MACF1: variants seen among roughly 807,000 people sequenced by gnomAD.
MACF1 encodes microtubule-actin cross-linking factor 1.
In MACF1, 193 loss-of-function variants were observed where a neutral mutation model predicts 854.8. The ratio of observed to expected loss-of-function variants is 0.23; its 90% CI spans 0.20 to 0.25. MACF1 has a LOEUF of 0.25. Ranked by LOEUF, MACF1 falls within the 10% of genes least tolerant of loss-of-function variation. The pLI is 1.00. For synonymous variants in MACF1, 3,185 were observed against 3,226.7 expected, an observed-to-expected ratio of 0.99 and a Z score of 0.44; for missense variants, 7,722 against 8,929.1, an observed-to-expected ratio of 0.86 and a Z score of 5.45.
At chr1:39,258,111 G>C in intron 6 of MACF1, 83 bp downstream of exon 6, 2 of 1,060,942 alleles carry the variant, frequency 1.9e-6, no homozygotes, top group Non-Finnish European at 2.9e-6. Flanking sequence ...AGACAGCATT[G>C]AGCCTTCCTT....
chr1:39,269,502 C>G, intron 6 of MACF1: 2 of 1,289,786 alleles, frequency 1.6e-6, no homozygotes, highest in Non-Finnish European at 2.0e-6. Flanking sequence ...AGTGCCCCCC[C>G]AGGATTCCAG....
At chr1:39,414,231 A>G in intron 58 of MACF1, 8 of 1,613,974 alleles carry the variant, frequency 5.0e-6, no homozygotes, top group Non-Finnish European at 5.9e-6. Flanking sequence ...CTGCCATCCC[A>G]GCTGCTGCAG....
chr1:39,363,895 A>T (rs1178131194), intron 49 of MACF1, among the ~76,000 whole-genome samples: 1 of 152,206 alleles, frequency 6.6e-6, no homozygotes, highest in African/African-American at 2.4e-5. Flanking sequence ...TATAGGCATG[A>T]GCCACCACAC....
chr1:39,411,606 A>T (rs756114104), intron 58 of MACF1: 1 of 1,613,934 alleles, frequency 6.2e-7, no homozygotes, highest in South Asian at 1.1e-5. Context: ...CAGATTCAGC[A>T]TGTACTGTGG....
Position 39,448,627 on chromosome 1 carries a change from G to A in MACF1, c.20122G>A (p.Val6708Met), listed in dbSNP as rs374494774. The A allele has an allele frequency of 4.4e-6, 7 of 1,608,364 alleles. No homozygotes were observed. Among genetic ancestry groups the A allele is most frequent in the Non-Finnish European group, 4.2e-6 (5 of 1,176,862 alleles). ...GAAGACTCTTGGTGGCAAGCAGCCT[G>A]TGTATGATACCACAATTAGAACTGG... ...FQKTLGGKQPVYDTTIRTGRA... is the reference protein window; with the variant it reads ...FQKTLGGKQPMYDTTIRTGRA... The change falls in exon 84 of 101, where the codon GTG becomes ATG. Residue 6708 changes from valine to methionine, a missense_variant. Physicochemically the swap from Val to Met is conservative, Grantham distance 21. Coordinates refer to ENST00000564288, the MANE Select transcript of MACF1 (RefSeq NM_001394062.1).
intron 65 of MACF1, 133 bp downstream of exon 65, chr1:39,430,201 AT>A: frequency 1.0e-6 from 1 of 966,252 alleles, no homozygotes; most frequent in East Asian, 2.6e-5. Flanking sequence ...GGACAGTAAG[AT>A]TTGACATAAA....
At chr1:39,121,434 GTTTTA>G (rs1029724635) in intron 2 of MACF1, among the ~76,000 whole-genome samples, 1 of 151,992 alleles carries the variant, frequency 6.6e-6, no homozygotes, top group Non-Finnish European at 1.5e-5. Context: ...CGGGTATTTT[GTTTTA>G]TTTTATTTAT....
At chr1:39,473,975 T>G (rs1369030724) in intron 97 of MACF1, among the ~76,000 whole-genome samples, 2 of 152,194 alleles carry the variant, frequency 1.3e-5, no homozygotes, top group East Asian at 3.8e-4. Context: ...ATAATTGGGC[T>G]GGGCATAGTG....
Position 39,331,981 on chromosome 1 carries a change from A to T in MACF1, c.5393A>T (p.Asp1798Val). The T allele has an allele frequency of 1.2e-6, 2 of 1,614,028 alleles. No individual in the cohort carries two copies. The highest frequency in any genetic ancestry group is 1.1e-5 in the South Asian group (1 of 91,076). ...GTAAGACATAATCTGATTGACCAAGATATGGCCTGTGCTATCCTCATAAGG... is the reference window on the plus strand; with the variant it reads ...GTAAGACATAATCTGATTGACCAAGTTATGGCCTGTGCTATCCTCATAAGG... The part of the protein sequence containing the change: ...EAVRHNLIDQ[D>V]MACAILIRQL... Residue 1798 changes from aspartate (D) to valine (V), a missense_variant, in exon 37 of 101, where the codon GAT becomes GTT. Transcript: ENST00000564288.
At chr1:39,153,296 C>G (rs971032595) in intron 2 of MACF1, among the ~76,000 whole-genome samples, 6 of 152,136 alleles carry the variant, frequency 3.9e-5, no homozygotes, top group African/African-American at 1.4e-4. Flanking sequence ...AGAGGGGAAC[C>G]TTAGTCTCAG....
chr1:39,282,193 C>A lies in MACF1; in HGVS notation c.529-15C>A. Reference sequence around the variant, plus strand: ...TTATTTATAATGAATTATTCTGTGTCCCATCTTTTGGCAGATCTCTGACAT... The same window carrying A: ...TTATTTATAATGAATTATTCTGTGTACCATCTTTTGGCAGATCTCTGACAT... On this transcript the variant is annotated splice_polypyrimidine_tract_variant and intron_variant, in intron 6 of 100. Transcript: ENST00000564288. 6.2e-7 allele frequency: 1 copy of A among 1,612,174 alleles called. No homozygotes were observed. Among genetic ancestry groups the A allele is most frequent in the South Asian group, 1.1e-5 (1 of 90,798 alleles).
At chr1:39,168,971 T>C (rs1643910240) in intron 2 of MACF1, among the ~76,000 whole-genome samples, 1 of 152,174 alleles carries the variant, frequency 6.6e-6, no homozygotes, top group South Asian at 2.1e-4. Context: ...GGCTTTTCTA[T>C]CCTAGTCCCC....
intron 2 of MACF1, among the ~76,000 whole-genome samples, chr1:39,139,993 G>A (rs899227760): frequency 1.3e-5 from 2 of 149,740 alleles, no homozygotes; most frequent in African/African-American, 4.9e-5. Flanking sequence ...CTTGGCTGTT[G>A]CACAGGCTGC....
chr1:39,457,965 G>A lies in MACF1; in HGVS notation c.21076-405G>A, dbSNP rs147360850. On this transcript the variant is annotated intron_variant, in intron 89 of 100. Coordinates refer to ENST00000564288, the MANE Select transcript of MACF1 (RefSeq NM_001394062.1). ...CTTCAGGAAGCTTAGAATCATGGTG[G>A]AAGGCAAAGGGGAGCCAGCGTGTTA... 1,590 of 159,128 alleles carry A rather than the reference G, an allele frequency of 1.0e-2. 14 individuals carry two copies. Among genetic ancestry groups the A allele is most frequent in the South Asian group, 0.02 (107 of 5,294 alleles). 9.9% of individuals were successfully genotyped at this position (159,128 alleles called of 1,614,324 possible). A position where few individuals can be genotyped will look rare whatever the true frequency, so the allele number is the denominator to read the frequency against.
chr1:39,175,978 C>T (rs1323543201), intron 2 of MACF1, among the ~76,000 whole-genome samples: 4 of 145,222 alleles, frequency 2.8e-5, no homozygotes, highest in South Asian at 2.2e-4. Context: ...GGTGTGGTGA[C>T]GGGCACCTGT....
chr1:39,156,523 G>A (rs1036319662), intron 2 of MACF1, among the ~76,000 whole-genome samples: 10 of 152,188 alleles, frequency 6.6e-5, no homozygotes, highest in African/African-American at 2.4e-4. Context: ...GGGGGCTGAG[G>A]TGGGAGTATC....
At position 39,361,344 on chromosome 1, in the gene MACF1, G is replaced by A. The variant is rs755333580; in HGVS notation, c.12454-16G>A. 22 of 1,608,092 alleles carry A rather than the reference G, an allele frequency of 1.4e-5. 1 individual carries two copies. Among genetic ancestry groups the A allele is most frequent in the East Asian group, 6.7e-5 (3 of 44,734 alleles). On this transcript the variant is annotated splice_polypyrimidine_tract_variant and intron_variant, in intron 48 of 100. Transcript: ENST00000564288. ...ATAAGTGAACCAGGAGCTGACAGAC[G>A]TGTTCTTCATGACAGAAATTGAAGC...
intron 87 of MACF1, among the ~76,000 whole-genome samples, chr1:39,453,456 G>A (rs1250102723): frequency 1.3e-5 from 2 of 152,172 alleles, no homozygotes; most frequent in South Asian, 2.1e-4. Flanking sequence ...AATGGGAAAA[G>A]GGGGGCATAC....
chr1:39,337,377 C>T lies in MACF1; in HGVS notation c.10215+46C>T, dbSNP rs1447283287. 1.9e-6 allele frequency: 3 copies of T among 1,593,102 alleles called. No individual in the cohort carries two copies. The Admixed American group carries it at 5.2e-5, about 28-fold the overall frequency. On this transcript the variant is annotated intron_variant, in intron 38 of 100. Transcript: ENST00000564288. Reference sequence around the variant, plus strand: ...ACCACAGACACCAGCTTCAAGATAGCTGCCTCCATCTTCCTTGAAGATTTC... The same window carrying T: ...ACCACAGACACCAGCTTCAAGATAGTTGCCTCCATCTTCCTTGAAGATTTC...
Sources: allele counts gnomAD v4.1 joint callset (sites outside exome capture counted in the v4.1 genomes callset), GRCh38; gene constraint gnomAD v4.1.1; transcripts MANE v1.5; gene names NCBI Gene and HGNC (gene_info 2026-07-23, HGNC 2026-07-21).